SMIM10L2B: variants seen among roughly 807,000 people sequenced by gnomAD.
SMIM10L2B encodes the protein small integral membrane protein 10-like protein 2B.
For missense variants in SMIM10L2B, 40 were observed against 58.7 expected, an observed-to-expected ratio of 0.68 and a Z score of 1.04; for synonymous variants, 28 against 30.0, an observed-to-expected ratio of 0.93 and a Z score of 0.22.
chrX:135,096,559 G>A lies in SMIM10L2B; in HGVS notation c.*927C>T, dbSNP rs1195486717. On this transcript the variant is annotated 3_prime_UTR_variant, in exon 2 of 2. Transcript: ENST00000433425. ...CCCATCTCTCCTGTCTGCCATCTCA[G>A]CTGTCTGTCCTAATCTTTCCTGTGA... 9.0e-6 allele frequency: 1 copy of A among 111,504 alleles called. No homozygotes were observed. Among genetic ancestry groups the A allele is most frequent in the Non-Finnish European group, 1.9e-5 (1 of 52,951 alleles). The allele number at this position is 111,504 out of a possible 1,213,427, so 9.2% of individuals were successfully genotyped here.
At position 135,095,149 on chromosome X, in the gene SMIM10L2B, TAGA is replaced by T. The variant is rs1556397675; in HGVS notation, c.*2334_*2336del. 9.0e-6 allele frequency: 1 copy of T among 111,680 alleles called. No individual in the cohort carries two copies. The highest frequency in any genetic ancestry group is 1.9e-5 in the Non-Finnish European group (1 of 53,134). The allele number at this position is 111,680 out of a possible 1,213,427, so 9.2% of individuals were successfully genotyped here. A position where few individuals can be genotyped will look rare whatever the true frequency, so the allele number is the denominator to read the frequency against. Reference sequence around the variant, plus strand: ...AACGTATGTCATTCCGGTCGGTGTCTAGAAGCTCCACCGCCTAGAAAACAGACT... The same window carrying T: ...AACGTATGTCATTCCGGTCGGTGTCTAGCTCCACCGCCTAGAAAACAGACT... On this transcript the variant is annotated 3_prime_UTR_variant, in exon 2 of 2. Coordinates refer to ENST00000433425, the MANE Select transcript of SMIM10L2B (RefSeq NM_001348255.2).
chrX:135,095,857 G>A lies in SMIM10L2B; in HGVS notation c.*1629C>T, dbSNP rs1231361787. ...GGGGCGGATGAGAGAGGCCAGCAAG[G>A]TCAGGGGTTCTCAGGAGACTTGGGA... On this transcript the variant is annotated 3_prime_UTR_variant, in exon 2 of 2. Transcript: ENST00000433425. 2 of 111,967 alleles carry A rather than the reference G, an allele frequency of 1.8e-5. No individual in the cohort carries two copies. Among genetic ancestry groups the A allele is most frequent in the African/African-American group, 3.3e-5 (1 of 30,705 alleles). 9.2% of individuals were successfully genotyped at this position (111,967 alleles called of 1,213,427 possible).
rs1204471318 is a variant in SMIM10L2B, at chrX:135,098,607, C to T, written c.27G>A (p.Ala9=). 10 of 511,233 alleles carry T rather than the reference C, an allele frequency of 2.0e-5. No individual in the cohort carries two copies. The highest frequency in any genetic ancestry group is 5.6e-5 in the Admixed American group (1 of 17,933). The allele number at this position is 511,233 out of a possible 1,213,427, so 42.1% of individuals were successfully genotyped here. A position where few individuals can be genotyped will look rare whatever the true frequency, so the allele number is the denominator to read the frequency against. ...CAGACAGGGCTGCCGCCGCCGCCGCCGCAGACAGAGCCGCCGACGCCGCCA... is the reference window on the plus strand; with the variant it reads ...CAGACAGGGCTGCCGCCGCCGCCGCTGCAGACAGAGCCGCCGACGCCGCCA... MAASAALS[A]AAAAAALSGL... is the part of the protein sequence containing the mutation. The change falls in exon 1 of 2, where the codon GCG becomes GCA. Residue 9 remains alanine (A), a synonymous_variant. Transcript: ENST00000433425.
rs2083457366 is a variant in SMIM10L2B at position 135,098,684 on chromosome X, G to C, written c.-51C>G. 1.8e-5 allele frequency: 5 copies of C among 279,323 alleles called. No homozygotes were observed. The highest frequency in any genetic ancestry group is 2.5e-5 in the Non-Finnish European group (4 of 160,658). 23.0% of individuals were successfully genotyped at this position (279,323 alleles called of 1,213,427 possible). On this transcript the variant is annotated 5_prime_UTR_variant, in exon 1 of 2. Coordinates refer to ENST00000433425, the MANE Select transcript of SMIM10L2B (RefSeq NM_001348255.2). The stretch of plus-strand genomic sequence containing the variant: ...CCGACCGATCGACCCGCAAGAGCTC[G>C]AGCCTCAGGACGGCGGGACCCCAAC...
chrX:135,095,764 C>A lies in SMIM10L2B; in HGVS notation c.*1722G>T, dbSNP rs1298080325. On this transcript the variant is annotated 3_prime_UTR_variant, in exon 2 of 2. Coordinates refer to ENST00000433425, the MANE Select transcript of SMIM10L2B (RefSeq NM_001348255.2). The stretch of plus-strand genomic sequence containing the variant: ...TCACTCTTGTCCCACAGAGGCTGCC[C>A]CCAGAGATCTGTTGGGGGGACCAGC... The A allele has an allele frequency of 8.9e-6, 1 of 112,250 alleles. No homozygotes were observed. The highest frequency in any genetic ancestry group is 3.2e-5 in the African/African-American group (1 of 30,807). The allele number at this position is 112,250 out of a possible 1,213,427, so 9.3% of individuals were successfully genotyped here.
In SMIM10L2B at chrX:135,096,896, C is replaced by T. The variant is rs2083449055; in HGVS notation, c.*590G>A. 1 of 112,847 alleles carries T rather than the reference C, an allele frequency of 8.9e-6. No individual in the cohort carries two copies. The highest frequency in any genetic ancestry group is 1.9e-5 in the Non-Finnish European group (1 of 53,268). The allele number at this position is 112,847 out of a possible 1,213,427, so 9.3% of individuals were successfully genotyped here. On this transcript the variant is annotated 3_prime_UTR_variant, in exon 2 of 2. Coordinates refer to ENST00000433425, the MANE Select transcript of SMIM10L2B (RefSeq NM_001348255.2). ...CTAGCCGATTTCAGTTCCCAGGGAA[C>T]TCAGACCTTCCCTCCCAAGCCAGGA... is the stretch of plus-strand genomic sequence containing the variant.
intron 1 of SMIM10L2B, among the ~76,000 whole-genome samples, chrX:135,097,818 G>A (rs2083452732): frequency 8.9e-6 from 1 of 112,308 alleles, no homozygotes; most frequent in Non-Finnish European, 1.9e-5. Context: ...ACTGGGGAAT[G>A]AGCGGGAGGC....
rs1387588282 is a variant in SMIM10L2B at position 135,096,232 on chromosome X, C to G, written c.*1254G>C. The G allele has an allele frequency of 9.0e-6, 1 of 110,978 alleles. No individual in the cohort carries two copies. Among genetic ancestry groups the G allele is most frequent in the African/African-American group, 3.3e-5 (1 of 30,408 alleles). The allele number at this position is 110,978 out of a possible 1,213,427, so 9.1% of individuals were successfully genotyped here. A position where few individuals can be genotyped will look rare whatever the true frequency, so the allele number is the denominator to read the frequency against. ...GCAGCACAACCGGGGGCCCCCAGGA[C>G]CAATCCAAGCCGTGAGGATGAGATT... On this transcript the variant is annotated 3_prime_UTR_variant, in exon 2 of 2. Coordinates refer to ENST00000433425, the MANE Select transcript of SMIM10L2B (RefSeq NM_001348255.2).
intron 1 of SMIM10L2B, among the ~76,000 whole-genome samples, chrX:135,097,367 T>G (rs1308440965): frequency 2.1e-4 from 23 of 112,091 alleles, no homozygotes; most frequent in Non-Finnish European, 4.1e-4. Context: ...CTAGCTACGG[T>G]CCTTAGGGAG....
At position 135,096,981 on chromosome X, in the gene SMIM10L2B, A is replaced by G. The variant is rs1556398180; in HGVS notation, c.*505T>C. ...TTGTCCATGCTGTGCCTCTACTAGGAAGGCCCTTCTTCTCCTCTTGTTCAG... is the reference window on the plus strand; with the variant it reads ...TTGTCCATGCTGTGCCTCTACTAGGGAGGCCCTTCTTCTCCTCTTGTTCAG... On this transcript the variant is annotated 3_prime_UTR_variant, in exon 2 of 2. Coordinates refer to ENST00000433425, the MANE Select transcript of SMIM10L2B (RefSeq NM_001348255.2). The G allele has an allele frequency of 8.9e-6, 1 of 112,858 alleles. No individual in the cohort carries two copies. The highest frequency in any genetic ancestry group is 2.8e-4 in the East Asian group (1 of 3,576). 9.3% of individuals were successfully genotyped at this position (112,858 alleles called of 1,213,427 possible).
rs1214059286 is a variant in SMIM10L2B at position 135,095,515 on chromosome X, C to T, written c.*1971G>A. On this transcript the variant is annotated 3_prime_UTR_variant, in exon 2 of 2. Transcript: ENST00000433425. ...TTTCTCCCAGTAGGGAAGCAGCTTC[C>T]AGAGTCCCAGGATGAGCCCCTTGCA... The T allele has an allele frequency of 8.9e-6, 1 of 111,896 alleles. No individual in the cohort carries two copies. Among genetic ancestry groups the T allele is most frequent in the Non-Finnish European group, 1.9e-5 (1 of 53,091 alleles). 9.2% of individuals were successfully genotyped at this position (111,896 alleles called of 1,213,427 possible). A position where few individuals can be genotyped will look rare whatever the true frequency, so the allele number is the denominator to read the frequency against.
In SMIM10L2B at chrX:135,098,260, T is replaced by C; in HGVS notation, c.*137A>G. ...GTGCCCGGGCGGCGTAGGTCTAGAG[T>C]CCAGGGGCCCGGGCCGCCCCACCTC... On this transcript the variant is annotated 3_prime_UTR_variant, in exon 1 of 2. Coordinates refer to ENST00000433425, the MANE Select transcript of SMIM10L2B (RefSeq NM_001348255.2). The C allele has an allele frequency of 3.7e-6, 1 of 272,038 alleles. No individual in the cohort carries two copies. Among genetic ancestry groups the C allele is most frequent in the South Asian group, 1.9e-4 (1 of 5,151 alleles). The allele number at this position is 272,038 out of a possible 1,213,427, so 22.4% of individuals were successfully genotyped here. A position where few individuals can be genotyped will look rare whatever the true frequency, so the allele number is the denominator to read the frequency against.
Position 135,095,056 on chromosome X carries a change from A to AAG in SMIM10L2B, c.*2429_*2430insCT, listed in dbSNP as rs1556397634. Reference sequence around the variant, plus strand: ...CTTAGAGAAAACAAGAAGACGTGACAACACCAGAAACAAGAACATCTCTCT... The same window carrying AAG: ...CTTAGAGAAAACAAGAAGACGTGACAAGACACCAGAAACAAGAACATCTCTCT... On this transcript the variant is annotated 3_prime_UTR_variant, in exon 2 of 2. Coordinates refer to ENST00000433425, the MANE Select transcript of SMIM10L2B (RefSeq NM_001348255.2). 9.0e-6 allele frequency: 1 copy of AAG among 111,064 alleles called. No individual in the cohort carries two copies. The highest frequency in any genetic ancestry group is 1.9e-5 in the Non-Finnish European group (1 of 52,910). The allele number at this position is 111,064 out of a possible 1,213,427, so 9.2% of individuals were successfully genotyped here.
chrX:135,095,099 C>T lies in SMIM10L2B; in HGVS notation c.*2387G>A, dbSNP rs2083441992. On this transcript the variant is annotated 3_prime_UTR_variant, in exon 2 of 2. Coordinates refer to ENST00000433425, the MANE Select transcript of SMIM10L2B (RefSeq NM_001348255.2). ...ATCTCTCTGGCCAGCCTGTGCTGAC[C>T]AGTACACAGTGAATCACACACAGAA... is the stretch of plus-strand genomic sequence containing the variant. 1 of 111,554 alleles carries T rather than the reference C, an allele frequency of 9.0e-6. No individual in the cohort carries two copies. The highest frequency in any genetic ancestry group is 1.9e-5 in the Non-Finnish European group (1 of 53,047). 9.2% of individuals were successfully genotyped at this position (111,554 alleles called of 1,213,427 possible). A position where few individuals can be genotyped will look rare whatever the true frequency, so the allele number is the denominator to read the frequency against.
Position 135,096,309 on chromosome X carries a change from T to C in SMIM10L2B, c.*1177A>G, listed in dbSNP as rs1277252419. On this transcript the variant is annotated 3_prime_UTR_variant, in exon 2 of 2. Transcript: ENST00000433425. ...GGGGGTCGAGCTTGAGGAGAGAGAA[T>C]TGGGGTCATGCCATGGGTCTCAGCC... 1.8e-5 allele frequency: 2 copies of C among 110,145 alleles called. No homozygotes were observed. Among genetic ancestry groups the C allele is most frequent in the African/African-American group, 3.3e-5 (1 of 30,110 alleles). The allele number at this position is 110,145 out of a possible 1,213,427, so 9.1% of individuals were successfully genotyped here.
rs2148435649 is a variant in SMIM10L2B, at chrX:135,096,914, A to G, written c.*572T>C. ...CAGGGAACTCAGACCTTCCCTCCCA[A>G]GCCAGGACTCGATCACTGGGCACCC... On this transcript the variant is annotated 3_prime_UTR_variant, in exon 2 of 2. Coordinates refer to ENST00000433425, the MANE Select transcript of SMIM10L2B (RefSeq NM_001348255.2). 8.9e-6 allele frequency: 1 copy of G among 112,489 alleles called. No individual in the cohort carries two copies. The highest frequency in any genetic ancestry group is 3.7e-4 in the South Asian group (1 of 2,726). The allele number at this position is 112,489 out of a possible 1,213,427, so 9.3% of individuals were successfully genotyped here. A position where few individuals can be genotyped will look rare whatever the true frequency, so the allele number is the denominator to read the frequency against.
At position 135,098,267 on chromosome X, in the gene SMIM10L2B, G is replaced by A. The variant is rs2083455040; in HGVS notation, c.*130C>T. 7.3e-6 allele frequency: 2 copies of A among 274,610 alleles called. No homozygotes were observed. The highest frequency in any genetic ancestry group is 1.3e-5 in the Non-Finnish European group (2 of 156,784). The allele number at this position is 274,610 out of a possible 1,213,427, so 22.6% of individuals were successfully genotyped here. On this transcript the variant is annotated 3_prime_UTR_variant, in exon 1 of 2. Coordinates refer to ENST00000433425, the MANE Select transcript of SMIM10L2B (RefSeq NM_001348255.2). ...GGCGGCGTAGGTCTAGAGTCCAGGGGCCCGGGCCGCCCCACCTCCGCCCCC... is the reference window on the plus strand; with the variant it reads ...GGCGGCGTAGGTCTAGAGTCCAGGGACCCGGGCCGCCCCACCTCCGCCCCC...
rs2083441505 is a variant in SMIM10L2B, at chrX:135,095,024, T to A, written c.*2462A>T. The A allele has an allele frequency of 9.0e-6, 1 of 111,163 alleles. No individual in the cohort carries two copies. The highest frequency in any genetic ancestry group is 9.5e-5 in the Admixed American group (1 of 10,547). The allele number at this position is 111,163 out of a possible 1,213,427, so 9.2% of individuals were successfully genotyped here. A position where few individuals can be genotyped will look rare whatever the true frequency, so the allele number is the denominator to read the frequency against. On this transcript the variant is annotated 3_prime_UTR_variant, in exon 2 of 2. Coordinates refer to ENST00000433425, the MANE Select transcript of SMIM10L2B (RefSeq NM_001348255.2). Reference sequence around the variant, plus strand: ...TATTAAACCAAGGACTTTTTTTTTTTTTTAAACTTAGAGAAAACAAGAAGA... The same window carrying A: ...TATTAAACCAAGGACTTTTTTTTTTATTTAAACTTAGAGAAAACAAGAAGA...
rs2083454133 is a variant in SMIM10L2B at position 135,098,102 on chromosome X, T to G, written c.*295A>C. On this transcript the variant is annotated 3_prime_UTR_variant, in exon 1 of 2. Transcript: ENST00000433425. ...CCCTCCTTCTGGTTTCCCCCTCTTT[T>G]GCCAATGTGAGGCAACAGGTAGTCC... 1 of 174,476 alleles carries G rather than the reference T, an allele frequency of 5.7e-6. No homozygotes were observed. Among genetic ancestry groups the G allele is most frequent in the Non-Finnish European group, 1.1e-5 (1 of 92,444 alleles). 14.4% of individuals were successfully genotyped at this position (174,476 alleles called of 1,213,427 possible).
Sources: allele counts gnomAD v4.1 joint callset (sites outside exome capture counted in the v4.1 genomes callset), GRCh38; gene constraint gnomAD v4.1.1; transcripts MANE v1.5; gene names NCBI Gene and HGNC (gene_info 2026-07-23, HGNC 2026-07-21).